SVIL: variants seen among roughly 807,000 people sequenced by gnomAD.
SVIL encodes archvillin.
Under a neutral mutation model 240.4 loss-of-function variants are expected in SVIL, and 101 were observed. The observed-to-expected ratio is 0.42, with a 90% confidence interval of 0.36 to 0.50. SVIL has a LOEUF of 0.50. SVIL is among the 20% of genes least tolerant of loss of function. SVIL has a pLI of 0.01. For missense variants in SVIL, 2,512 were observed against 2,818.7 expected, an observed-to-expected ratio of 0.89 and a Z score of 2.46; for synonymous variants, 999 against 1,100.0, an observed-to-expected ratio of 0.91 and a Z score of 1.82.
At chr10:29,497,559 TCAG>T (rs1288228511) in intron 18 of SVIL, among the ~76,000 whole-genome samples, 3 of 152,150 alleles carry the variant, frequency 2.0e-5, no homozygotes, top group African/African-American at 7.2e-5. Flanking sequence ...TTCCAAGAGC[TCAG>T]CAGCAGAAGA....
intron 1 of SVIL, among the ~76,000 whole-genome samples, chr10:29,702,442 G>T (rs1374513360): frequency 6.6e-6 from 1 of 152,094 alleles, no homozygotes; most frequent in African/African-American, 2.4e-5. Flanking sequence ...ACAACTGCAT[G>T]GACCCACAGA....
intron 1 of SVIL, among the ~76,000 whole-genome samples, chr10:29,593,332 TCCTGGA>T (rs1250107034): frequency 3.0e-4 from 45 of 152,284 alleles, no homozygotes; most frequent in African/African-American, 1.0e-3. Context: ...TGAAACTCAC[TCCTGGA>T]CCTTCACATA....
At chr10:29,672,402 A>G (rs147991777) in intron 2 of SVIL, among the ~76,000 whole-genome samples, 91 of 152,228 alleles carry the variant, frequency 6.0e-4, no homozygotes, top group African/African-American at 2.2e-3. Flanking sequence ...TAAGCATAGG[A>G]GGTTGAGGCT....
At chr10:29,661,585 AAACT>A (rs1349991253) in intron 2 of SVIL, among the ~76,000 whole-genome samples, 1 of 152,126 alleles carries the variant, frequency 6.6e-6, no homozygotes, top group African/African-American at 2.4e-5. Flanking sequence ...CGGACAAAAC[AAACT>A]GTTACTGACT....
chr10:29,502,694 TGG>T (rs1292984109), intron 17 of SVIL, among the ~76,000 whole-genome samples: 1 of 151,334 alleles, frequency 6.6e-6, no homozygotes, highest in Non-Finnish European at 1.5e-5. Flanking sequence ...TGTGGGTGGG[TGG>T]GTGTGTGTGT....
chr10:29,524,391 C>T lies in SVIL; in HGVS notation c.2586+81G>A, dbSNP rs931864684. On this transcript the variant is annotated intron_variant, in intron 14 of 37. Coordinates refer to ENST00000355867, the MANE Select transcript of SVIL (RefSeq NM_021738.3). ...TCCTGGTAGAGCACCTTAATTACAT[C>T]ATTGACCTCAGAGGAATACTGCAGT... 10 of 1,579,322 alleles carry T rather than the reference C, an allele frequency of 6.3e-6. No homozygotes were observed. In the African/African-American group the frequency reaches 1.2e-4, roughly 19 times the overall value.
intron 1 of SVIL, among the ~76,000 whole-genome samples, chr10:29,719,553 G>C (rs1400447807): frequency 6.6e-6 from 1 of 152,182 alleles, no homozygotes; most frequent in African/African-American, 2.4e-5. Context: ...AACTGAAACT[G>C]ACCAAGAGTT....
At chr10:29,547,736 T>C (rs12355918) in intron 6 of SVIL, among the ~76,000 whole-genome samples, 60,179 of 151,956 alleles carry the variant, frequency 0.4, 12,040 homozygotes, top group East Asian at 0.44. Flanking sequence ...GAGAATCTAT[T>C]ATATGTGATC....
chr10:29,466,586 A>C (rs1420091654), intron 33 of SVIL, among the ~76,000 whole-genome samples: 1 of 152,172 alleles, frequency 6.6e-6, no homozygotes, highest in Non-Finnish European at 1.5e-5. Context: ...AAGGGAGAAA[A>C]ATCAGAAATA....
intron 17 of SVIL, among the ~76,000 whole-genome samples, chr10:29,509,013 C>G (rs2132474026): frequency 6.6e-6 from 1 of 152,276 alleles, no homozygotes; most frequent in South Asian, 2.1e-4. Context: ...TTAGTTGTAA[C>G]AGAGACTGCT....
chr10:29,691,347 G>T (rs1229792426), intron 1 of SVIL, among the ~76,000 whole-genome samples: 1 of 151,890 alleles, frequency 6.6e-6, no homozygotes, highest in African/African-American at 2.4e-5. Flanking sequence ...GAGTAGCTGG[G>T]ACTACAGGCG....
chr10:29,580,420 T>C (rs1444747490), intron 1 of SVIL, among the ~76,000 whole-genome samples: 1 of 151,926 alleles, frequency 6.6e-6, no homozygotes, highest in Non-Finnish European at 1.5e-5. Context: ...AAGAGGGAAA[T>C]AGGATGGTGA....
At chr10:29,595,047 G>T (rs1272507371) in intron 1 of SVIL, among the ~76,000 whole-genome samples, 1 of 152,176 alleles carries the variant, frequency 6.6e-6, no homozygotes, top group South Asian at 2.1e-4. Context: ...CCTCTCCTCG[G>T]TTAGGCCTTC....
At chr10:29,625,483 A>AGACG (rs1432946936) in intron 1 of SVIL, among the ~76,000 whole-genome samples, 2 of 151,638 alleles carry the variant, frequency 1.3e-5, no homozygotes, top group Non-Finnish European at 2.9e-5. Flanking sequence ...CTTTTTTTTG[A>AGACG]GACGGAGTCT....
At chr10:29,670,007 T>G (rs1216345223) in intron 2 of SVIL, among the ~76,000 whole-genome samples, 3 of 151,432 alleles carry the variant, frequency 2.0e-5, no homozygotes, top group Non-Finnish European at 4.4e-5. Flanking sequence ...CCCAGCCACC[T>G]GGGAGGCTGA....
At chr10:29,506,645 G>T (rs1219748426) in intron 17 of SVIL, among the ~76,000 whole-genome samples, 1 of 150,336 alleles carries the variant, frequency 6.7e-6, no homozygotes. Context: ...AGAGGGAGGG[G>T]ACAGAGGCCC....
At chr10:29,619,657 G>T (rs1023344418) in intron 1 of SVIL, among the ~76,000 whole-genome samples, 2 of 152,076 alleles carry the variant, frequency 1.3e-5, no homozygotes, top group Non-Finnish European at 2.9e-5. Flanking sequence ...ATATGATATG[G>T]TTTCCCTGAG....
chr10:29,629,774 TCAAGAC>T (rs1958014220), intron 1 of SVIL, among the ~76,000 whole-genome samples: 1 of 148,396 alleles, frequency 6.7e-6, no homozygotes, highest in Admixed American at 6.9e-5. Context: ...GGCCAGGAGC[TCAAGAC>T]CAGCCTGAGC....
chr10:29,517,107 C>A (rs954860012), intron 16 of SVIL, among the ~76,000 whole-genome samples: 1 of 152,022 alleles, frequency 6.6e-6, no homozygotes, highest in Non-Finnish European at 1.5e-5. Context: ...AAATGAGAGA[C>A]AAATCACACT....
Sources: allele counts gnomAD v4.1 joint callset (sites outside exome capture counted in the v4.1 genomes callset), GRCh38; gene constraint gnomAD v4.1.1; transcripts MANE v1.5; gene names NCBI Gene and HGNC (gene_info 2026-07-23, HGNC 2026-07-21).